Variants in STPG1 observed in about 807,000 individuals in gnomAD.
STPG1 encodes O(6)-methylguanine-induced apoptosis 2.
In STPG1, 33 loss-of-function variants were observed where a neutral mutation model predicts 40.1. That is an observed-to-expected ratio of 0.82 (90% CI 0.62 to 1.10). The LOEUF is 1.10. Among genes scored for constraint, STPG1 ranks in the 50% least tolerant of loss-of-function variants. The pLI is 0.00. For missense variants in STPG1, 396 were observed against 415.1 expected, an observed-to-expected ratio of 0.95 and a Z score of 0.40; for synonymous variants, 150 against 155.0, an observed-to-expected ratio of 0.97 and a Z score of 0.24.
intron 2 of STPG1, among the ~76,000 whole-genome samples, chr1:24,397,769 C>T (rs988793952): frequency 1.3e-5 from 2 of 151,962 alleles, no homozygotes; most frequent in Non-Finnish European, 2.9e-5. Flanking sequence ...ATCTCTGTTG[C>T]TGATATATCA....
At chr1:24,383,051 A>G (rs1314679607) in intron 4 of STPG1, among the ~76,000 whole-genome samples, 1 of 151,566 alleles carries the variant, frequency 6.6e-6, no homozygotes, top group African/African-American at 2.4e-5. Flanking sequence ...AGCTGGGACT[A>G]TCGACACACA....
chr1:24,413,283 C>T (rs11249104), intron 1 of STPG1, among the ~76,000 whole-genome samples: 1 of 152,078 alleles, frequency 6.6e-6, no homozygotes, highest in African/African-American at 2.4e-5. Context: ...CTGGGGGACA[C>T]CCCCTGAGCT....
Position 24,358,427 on chromosome 1 carries a change from A to AC in STPG1, c.*115dup, listed in dbSNP as rs746924231. Reference sequence around the variant, plus strand: ...GATGCCAGGCCAGAGTGGTAGAGCCACCCCCCAAGTTGTCAGCTGCCACAC... The same window carrying AC: ...GATGCCAGGCCAGAGTGGTAGAGCCACCCCCCCAAGTTGTCAGCTGCCACAC... On this transcript the variant is annotated 3_prime_UTR_variant, in exon 9 of 9. Coordinates refer to ENST00000337248, the MANE Select transcript of STPG1 (RefSeq NM_001199013.2). The AC allele has an allele frequency of 5.7e-6, 5 of 879,804 alleles. No individual in the cohort carries two copies. Among genetic ancestry groups the AC allele is most frequent in the East Asian group, 2.4e-5 (1 of 41,456 alleles). The allele number at this position is 879,804 out of a possible 1,614,324, so 54.5% of individuals were successfully genotyped here.
At position 24,379,999 on chromosome 1, in the gene STPG1, G is replaced by A. The variant is rs147676822; in HGVS notation, c.292-176C>T. Among the ~76,000 whole-genome samples, 159 of 152,268 alleles carry A rather than the reference G, an allele frequency of 1.0e-3. 1 individual carries two copies. Among genetic ancestry groups the A allele is most frequent in the African/African-American group, 3.7e-3 (153 of 41,546 alleles). The stretch of plus-strand genomic sequence containing the variant: ...CTTTGAGGATCTTCCCTTGGAAAAC[G>A]CAAGTTCAGACCTGTACTCGCTTCT... On this transcript the variant is annotated intron_variant, in intron 4 of 8. Coordinates refer to ENST00000337248, the MANE Select transcript of STPG1 (RefSeq NM_001199013.2).
At chr1:24,414,756 A>C (rs1643941971), upstream of STPG1, 1 of 151,950 alleles carries the variant, frequency 6.6e-6, no homozygotes, top group Non-Finnish European at 1.5e-5. Context: ...GGCTGGTCTC[A>C]AACTCCTGGG....
In STPG1 at chr1:24,359,131, C is replaced by T. The variant is rs187092005; in HGVS notation, c.929-512G>A. ...CTCTCTGTTCCTATACTTGGAAAGC[C>T]GCTCAGGGGAGCCCATGGTAGTCCA... On this transcript the variant is annotated intron_variant, in intron 8 of 8. Transcript: ENST00000337248. This position sits in a 1 kb window ranked among gnomAD's most constrained non-coding sequence, Gnocchi z 5.3. 1.3e-3 allele frequency among the ~76,000 whole-genome samples: 196 copies of T among 152,302 alleles called. No individual in the cohort carries two copies. The highest frequency in any genetic ancestry group is 4.4e-3 in the African/African-American group (183 of 41,570).
At chr1:24,364,192 TCTCTC>T in intron 7 of STPG1, 1 of 1,497,554 alleles carries the variant, frequency 6.7e-7, no homozygotes, top group Non-Finnish European at 8.9e-7. Flanking sequence ...CAGGGAAACT[TCTCTC>T]CTCCACCCAC....
At chr1:24,369,389 C>G (rs753751565) in intron 7 of STPG1, 22 of 559,152 alleles carry the variant, frequency 3.9e-5, no homozygotes, top group Middle Eastern at 2.8e-4. Flanking sequence ...CCGCCAAATC[C>G]GAAGCCTTGC....
chr1:24,394,959 C>T (rs1378415689), intron 2 of STPG1, among the ~76,000 whole-genome samples: 1 of 151,766 alleles, frequency 6.6e-6, no homozygotes, highest in Non-Finnish European at 1.5e-5. Context: ...ACTATTGACT[C>T]ACAGATTCAA....
chr1:24,401,544 T>C, intron 1 of STPG1, 88 bp from the exon 2 acceptor site: 1 of 663,592 alleles, frequency 1.5e-6, no homozygotes. Context: ...CAGGGTAAAC[T>C]GAGAAATGGT....
intron 6 of STPG1, among the ~76,000 whole-genome samples, chr1:24,373,159 G>C (rs1374920136): frequency 6.6e-6 from 1 of 152,196 alleles, no homozygotes; most frequent in Non-Finnish European, 1.5e-5. Context: ...GAAAAGTAGG[G>C]CTAAGTGGAT....
At chr1:24,372,167 G>A (rs1641780851) in intron 6 of STPG1, among the ~76,000 whole-genome samples, 1 of 152,142 alleles carries the variant, frequency 6.6e-6, no homozygotes. Flanking sequence ...AACAGAGCAA[G>A]ACTCCATCTC....
intron 2 of STPG1, among the ~76,000 whole-genome samples, chr1:24,396,362 T>G (rs2148709020): frequency 6.6e-6 from 1 of 152,234 alleles, no homozygotes; most frequent in Non-Finnish European, 1.5e-5. Flanking sequence ...CAGGTTGGAG[T>G]GCAGTGGTGC....
Position 24,363,708 on chromosome 1 carries a change from AAG to A in STPG1, c.738-2669_738-2668del, listed in dbSNP as rs549363590. On this transcript the variant is annotated intron_variant, in intron 7 of 8. Transcript: ENST00000337248. ...AAAAACTGCATTGAAAGCAGAGAGA[AAG>A]AGACAGAGACAGAGGGACATTAATT... is the stretch of plus-strand genomic sequence containing the variant. 5.3e-5 allele frequency among the ~76,000 whole-genome samples: 8 copies of A among 152,328 alleles called. No homozygotes were observed. The South Asian group carries it at 1.7e-3, about 32-fold the overall frequency.
intron 3 of STPG1, among the ~76,000 whole-genome samples, chr1:24,385,452 G>A (rs1429269734): frequency 1.2e-4 from 19 of 152,146 alleles, no homozygotes; most frequent in African/African-American, 4.6e-4. Flanking sequence ...GAGAACCCTC[G>A]TGTTGTGGAT....
At chr1:24,413,309 G>A (rs1643816197) in intron 1 of STPG1, among the ~76,000 whole-genome samples, 1 of 152,260 alleles carries the variant, frequency 6.6e-6, no homozygotes, top group Non-Finnish European at 1.5e-5. Flanking sequence ...GAACCTATGA[G>A]TAGAGATCAG....
chr1:24,377,266 T>A (rs566016885), intron 5 of STPG1, among the ~76,000 whole-genome samples: 93 of 151,944 alleles, frequency 6.1e-4, no homozygotes, highest in Non-Finnish European at 9.7e-4. Context: ...AAAAAAAGCA[T>A]CAGATCACAC....
chr1:24,364,245 T>C lies in STPG1; in HGVS notation c.738-3204A>G. ...ACCCCCCACCTGACTGTCTTGAATG[T>C]TCCCATCCTGTGACTCAAGTGAGGA... is the stretch of plus-strand genomic sequence containing the variant. On this transcript the variant is annotated intron_variant, in intron 7 of 8. Transcript: ENST00000337248. 1.9e-6 allele frequency: 3 copies of C among 1,548,758 alleles called. No homozygotes were observed. In the South Asian group the frequency reaches 3.6e-5, roughly 19 times the overall value.
rs776459539 is a variant in STPG1, at chr1:24,360,857, C to T, written c.922G>A (p.Gly308Ser). 6 of 1,611,064 alleles carry T rather than the reference C, an allele frequency of 3.7e-6. No homozygotes were observed. Among genetic ancestry groups the T allele is most frequent in the Non-Finnish European group, 5.1e-6 (6 of 1,178,740 alleles). ...TAAPPQPGLP[G>S]PATYKPELPG... Reference sequence around the variant, plus strand: ...TTTAAAACAATCCTCTGACCTGGGCCAGGCAGGCCTGGCTGAGGCGGCGCC... The same window carrying T: ...TTTAAAACAATCCTCTGACCTGGGCTAGGCAGGCCTGGCTGAGGCGGCGCC... Residue 308 changes from glycine to serine, a missense_variant, in exon 8 of 9, where the codon GGC becomes AGC. Gly to Ser is a moderately conservative substitution (Grantham distance 56). Coordinates refer to ENST00000337248, the MANE Select transcript of STPG1 (RefSeq NM_001199013.2).
Sources: gnomAD v4.1 joint callset for allele counts (sites outside exome capture counted in the v4.1 genomes callset) on GRCh38, gnomAD v4.1.1 for gene constraint, Gnocchi (gnomAD v3.1) non-coding constraint, MANE v1.5 for transcripts, NCBI Gene and HGNC (gene_info 2026-07-23, HGNC 2026-07-21) for gene names.